VEPH1: variants seen among roughly 807,000 people sequenced by gnomAD.
The protein encoded by VEPH1 is ventricular zone-expressed PH domain-containing protein homolog 1.
A neutral mutation model predicts 85.2 loss-of-function variants in VEPH1; 80 were observed. The ratio of observed to expected loss-of-function variants is 0.94; its 90% CI spans 0.78 to 1.13. VEPH1 has a LOEUF of 1.13. Ranked by LOEUF, VEPH1 falls within the 50% of genes most tolerant of loss-of-function variation. VEPH1 has a pLI of 0.00. For missense variants in VEPH1, 955 were observed against 980.5 expected (o/e 0.97, Z 0.35); for synonymous variants, 297 against 348.0 (o/e 0.85, Z 1.63).
At chr3:157,382,931 A>C (rs1728926544) in intron 6 of VEPH1, among the ~76,000 whole-genome samples, 2 of 152,196 alleles carry the variant, frequency 1.3e-5, no homozygotes, top group Admixed American at 1.3e-4. Flanking sequence ...TCCTGGGCTC[A>C]AGCTATCCTG....
intron 9 of VEPH1, among the ~76,000 whole-genome samples, chr3:157,336,651 T>G (rs1722997765): frequency 6.6e-6 from 1 of 152,140 alleles, no homozygotes. Context: ...CAGCTATGTT[T>G]ACCAGAAGTC....
At chr3:157,342,203 A>T (rs1173635223) in intron 9 of VEPH1, among the ~76,000 whole-genome samples, 3 of 152,154 alleles carry the variant, frequency 2.0e-5, no homozygotes, top group Non-Finnish European at 4.4e-5. Context: ...AATGGGCTAA[A>T]TGTTCCAATT....
intron 9 of VEPH1, among the ~76,000 whole-genome samples, chr3:157,331,810 G>A (rs955621653): frequency 3.3e-5 from 5 of 152,122 alleles, no homozygotes; most frequent in African/African-American, 1.2e-4. Context: ...ACATTGTTCT[G>A]AGAGCTGAGA....
intron 6 of VEPH1, among the ~76,000 whole-genome samples, chr3:157,411,713 T>A (rs1650203955): frequency 1.3e-5 from 2 of 152,110 alleles, no homozygotes; most frequent in South Asian, 4.1e-4. Flanking sequence ...GGGGGGTGAA[T>A]CAGAACCACC....
intron 3 of VEPH1, among the ~76,000 whole-genome samples, chr3:157,462,286 T>C (rs1735950478): frequency 6.6e-6 from 1 of 152,036 alleles, no homozygotes; most frequent in Admixed American, 6.6e-5. Flanking sequence ...CATCAAGATA[T>C]GATATGACCT....
chr3:157,302,807 T>TTAAC (rs978993844), intron 11 of VEPH1, among the ~76,000 whole-genome samples: 3 of 152,144 alleles, frequency 2.0e-5, no homozygotes, highest in African/African-American at 4.8e-5. Flanking sequence ...ATTCCCCAGA[T>TTAAC]TAACTCTCCA....
chr3:157,305,728 G>A (rs1719440101), intron 11 of VEPH1, among the ~76,000 whole-genome samples: 1 of 152,176 alleles, frequency 6.6e-6, no homozygotes, highest in African/African-American at 2.4e-5. Flanking sequence ...ACGTGTGAGT[G>A]CCTTAACTCT....
At chr3:157,314,287 C>T (rs569337797) in intron 10 of VEPH1, among the ~76,000 whole-genome samples, 10 of 121,554 alleles carry the variant, frequency 8.2e-5, no homozygotes, top group African/African-American at 3.0e-4. Context: ...GAGCCGAGAT[C>T]ATGCCACTGC....
At chr3:157,332,532 G>A (rs918357676) in intron 9 of VEPH1, among the ~76,000 whole-genome samples, 1 of 152,124 alleles carries the variant, frequency 6.6e-6, no homozygotes, top group African/African-American at 2.4e-5. Flanking sequence ...TTATTATGAT[G>A]TTTTCAAGGT....
At chr3:157,476,519 C>G (rs1004958049) in intron 2 of VEPH1, among the ~76,000 whole-genome samples, 12 of 96,826 alleles carry the variant, frequency 1.2e-4, no homozygotes, top group African/African-American at 4.2e-4. Context: ...CATACCATAA[C>G]TTCTTCTGCC....
chr3:157,454,063 T>A (rs900481477), intron 4 of VEPH1, among the ~76,000 whole-genome samples: 8 of 151,978 alleles, frequency 5.3e-5, no homozygotes, highest in African/African-American at 1.9e-4. Context: ...AAGGGGTAAT[T>A]CATTTTTTTT....
chr3:157,442,213 A>G (rs369539682), intron 4 of VEPH1, among the ~76,000 whole-genome samples: 2 of 152,138 alleles, frequency 1.3e-5, no homozygotes, highest in South Asian at 4.1e-4. Context: ...CTCTGCAGAG[A>G]TTACAGTGGA....
rs564418141 is a variant in VEPH1, at chr3:157,302,276, T to C, written c.2010+11345A>G. On this transcript the variant is annotated intron_variant, in intron 11 of 13. Transcript: ENST00000362010. Reference sequence around the variant, plus strand: ...TTTTGTGATCTCCTTAATTTTACTTTTGTCCCTTTCCAATCTAGTCCCCAC... The same window carrying C: ...TTTTGTGATCTCCTTAATTTTACTTCTGTCCCTTTCCAATCTAGTCCCCAC... Among the ~76,000 whole-genome samples the C allele has an allele frequency of 6.6e-5, 10 of 152,346 alleles. No individual in the cohort carries two copies. The East Asian group carries it at 1.9e-3, about 29-fold the overall frequency.
intron 2 of VEPH1, among the ~76,000 whole-genome samples, chr3:157,485,494 A>C (rs1236430457): frequency 6.6e-6 from 1 of 152,200 alleles, no homozygotes; most frequent in Non-Finnish European, 1.5e-5. Flanking sequence ...AACTATATTA[A>C]AATAATAGAA....
intron 4 of VEPH1, among the ~76,000 whole-genome samples, chr3:157,454,452 G>A (rs1735211087): frequency 6.6e-6 from 1 of 152,146 alleles, no homozygotes; most frequent in Non-Finnish European, 1.5e-5. Flanking sequence ...CTGGTACAAT[G>A]AGCTTAAGTT....
At chr3:157,490,545 G>C (rs1321954365) in intron 2 of VEPH1, among the ~76,000 whole-genome samples, 2 of 152,044 alleles carry the variant, frequency 1.3e-5, no homozygotes, top group Admixed American at 6.6e-5. Context: ...GTAATAATGA[G>C]AGGAGTGTAT....
intron 11 of VEPH1, among the ~76,000 whole-genome samples, chr3:157,303,484 TCTC>T (rs1311845593): frequency 6.6e-6 from 1 of 152,194 alleles, no homozygotes; most frequent in African/African-American, 2.4e-5. Flanking sequence ...GATTATTTTG[TCTC>T]CTCCGTGTTA....
intron 4 of VEPH1, chr3:157,437,107 T>G (rs1733658290): frequency 6.2e-7 from 1 of 1,602,072 alleles, no homozygotes; most frequent in South Asian, 1.1e-5. Flanking sequence ...TGACTACATA[T>G]CCACCTCTTG....
chr3:157,273,672 CAGAG>C (rs1201641794), intron 12 of VEPH1, among the ~76,000 whole-genome samples: 1 of 152,068 alleles, frequency 6.6e-6, no homozygotes, highest in East Asian at 1.9e-4. Context: ...GTGTGAGAAT[CAGAG>C]AGACCAATCC....
Sources: gnomAD v4.1 joint callset for allele counts (sites outside exome capture counted in the v4.1 genomes callset) on GRCh38, gnomAD v4.1.1 for gene constraint, MANE v1.5 for transcripts, NCBI Gene and HGNC (gene_info 2026-07-23, HGNC 2026-07-21) for gene names.